The following OR14J1 variants were observed in gnomAD, a reference collection of about 807,000 sequenced individuals.
The protein encoded by OR14J1 is olfactory receptor 14J1.
For synonymous variants in OR14J1, 140 were observed against 146.7 expected, an observed-to-expected ratio of 0.95 and a Z score of 0.33; for missense variants, 378 against 393.4, an observed-to-expected ratio of 0.96 and a Z score of 0.33.
Position 29,310,595 on chromosome 6 carries a change from G to A in OR14J1, c.*2940G>A, listed in dbSNP as rs1283774854. ...TGCTTAGGATTATCTTGGCTATGTG[G>A]GCTCTTGTTTGGTTCCATATGAAAT... On this transcript the variant is annotated 3_prime_UTR_variant, in exon 2 of 2. Transcript: ENST00000641895. 6.6e-6 allele frequency: 1 copy of A among 152,136 alleles called. No individual in the cohort carries two copies. The allele number at this position is 152,136 out of a possible 1,614,324, so 9.4% of individuals were successfully genotyped here.
intron 1 of OR14J1, among the ~76,000 whole-genome samples, chr6:29,302,982 A>G (rs886522592): frequency 8.2e-6 from 1 of 122,642 alleles, no homozygotes; most frequent in Non-Finnish European, 1.7e-5. Flanking sequence ...ATTCTTTGAA[A>G]TAGGTCACAG....
Position 29,312,163 on chromosome 6 carries a change from T to C in OR14J1, c.*4508T>C, listed in dbSNP as rs1243885789. 2.0e-5 allele frequency: 3 copies of C among 152,186 alleles called. No individual in the cohort carries two copies. 9.4% of individuals were successfully genotyped at this position (152,186 alleles called of 1,614,324 possible). A position where few individuals can be genotyped will look rare whatever the true frequency, so the allele number is the denominator to read the frequency against. On this transcript the variant is annotated 3_prime_UTR_variant, in exon 2 of 2. Transcript: ENST00000641895. ...GTCTTCTGCTAGCTTTTGAATTTGT[T>C]TTCTCTTGCTTCTCTAGTTGTTTTA...
At chr6:29,304,094 G>A (rs965747358) in intron 1 of OR14J1, among the ~76,000 whole-genome samples, 14 of 152,126 alleles carry the variant, frequency 9.2e-5, no homozygotes, top group Non-Finnish European at 2.1e-4. Flanking sequence ...GTAGGAAACT[G>A]AGGGGCTTAA....
chr6:29,302,410 CT>C (rs1159996825), intron 1 of OR14J1, among the ~76,000 whole-genome samples: 1 of 151,844 alleles, frequency 6.6e-6, no homozygotes, highest in African/African-American at 2.4e-5. Flanking sequence ...AACTCCTGAC[CT>C]CAGGTGATCT....
chr6:29,307,469 G>T lies in OR14J1; in HGVS notation c.780G>T (p.Leu260=). ...CTGCAGGCTTTGAGTTTCTCAGACTGCCTTCTGATTCCTCATCGACTGTGG... is the reference window on the plus strand; with the variant it reads ...CTGCAGGCTTTGAGTTTCTCAGACTTCCTTCTGATTCCTCATCGACTGTGG... ...LSAAGFEFLR[L]PSDSSSTVDL... The change falls in exon 2 of 2, where the codon CTG becomes CTT. Residue 260 remains leucine (L), a synonymous_variant. Transcript: ENST00000641895. 2 of 1,612,960 alleles carry T rather than the reference G, an allele frequency of 1.2e-6. No individual in the cohort carries two copies. Among genetic ancestry groups the T allele is most frequent in the African/African-American group, 1.3e-5 (1 of 75,018 alleles).
intron 1 of OR14J1, among the ~76,000 whole-genome samples, chr6:29,304,948 T>C (rs1008572410): frequency 2.0e-5 from 3 of 152,216 alleles, no homozygotes; most frequent in African/African-American, 4.8e-5. Flanking sequence ...ATTCACATTT[T>C]ATTTTAAATT....
chr6:29,309,838 G>A lies in OR14J1; in HGVS notation c.*2183G>A, dbSNP rs1359504552. ...CAACTAAAAATACAAACACTTAGCT[G>A]GGCATGGTGCCATGAACCTGTAATC... On this transcript the variant is annotated 3_prime_UTR_variant, in exon 2 of 2. Transcript: ENST00000641895. The A allele has an allele frequency of 6.6e-6, 1 of 152,218 alleles. No homozygotes were observed. The highest frequency in any genetic ancestry group is 2.4e-5 in the African/African-American group (1 of 41,424). 9.4% of individuals were successfully genotyped at this position (152,218 alleles called of 1,614,324 possible). A position where few individuals can be genotyped will look rare whatever the true frequency, so the allele number is the denominator to read the frequency against.
At position 29,310,629 on chromosome 6, in the gene OR14J1, GT is replaced by G. The variant is rs1270007126; in HGVS notation, c.*2980del. The stretch of plus-strand genomic sequence containing the variant: ...TTGGTTCCATATGAAATTTAAAGTA[GT>G]TTTTTCCTATTCTGTGAAGAAAGTC... On this transcript the variant is annotated 3_prime_UTR_variant, in exon 2 of 2. Transcript: ENST00000641895. 6.6e-6 allele frequency: 1 copy of G among 152,082 alleles called. No individual in the cohort carries two copies. The highest frequency in any genetic ancestry group is 1.5e-5 in the Non-Finnish European group (1 of 68,006). The allele number at this position is 152,082 out of a possible 1,614,324, so 9.4% of individuals were successfully genotyped here.
At chr6:29,305,021 G>A (rs1774983304) in intron 1 of OR14J1, among the ~76,000 whole-genome samples, 1 of 152,152 alleles carries the variant, frequency 6.6e-6, no homozygotes, top group Non-Finnish European at 1.5e-5. Flanking sequence ...CAGCACTGGG[G>A]ATTAAGCTAT....
At position 29,307,723 on chromosome 6, in the gene OR14J1, C is replaced by T. The variant is rs1368126300; in HGVS notation, c.*68C>T. The T allele has an allele frequency of 4.5e-6, 4 of 898,408 alleles. No individual in the cohort carries two copies. The highest frequency in any genetic ancestry group is 3.3e-5 in the African/African-American group (2 of 59,978). 55.7% of individuals were successfully genotyped at this position (898,408 alleles called of 1,614,324 possible). On this transcript the variant is annotated 3_prime_UTR_variant, in exon 2 of 2. Transcript: ENST00000641895. ...GGAAGAGAGGTGAATCTTATTTCTACCCAGAATGCTCTTCCAAGCTGTCTA... is the reference window on the plus strand; with the variant it reads ...GGAAGAGAGGTGAATCTTATTTCTATCCAGAATGCTCTTCCAAGCTGTCTA...
chr6:29,305,591 G>C (rs1775022941), intron 1 of OR14J1, among the ~76,000 whole-genome samples: 1 of 151,990 alleles, frequency 6.6e-6, no homozygotes, highest in Admixed American at 6.6e-5. Flanking sequence ...AAAAAAAGAG[G>C]CAAAAATTAG....
At position 29,312,958 on chromosome 6, in the gene OR14J1, C is replaced by A. The variant is rs1425420165; in HGVS notation, c.*5303C>A. ...TGTTCAACAAGGTTGAACATCTTTT[C>A]ATGGACTTATTAGTTATTTGTGTGT... On this transcript the variant is annotated 3_prime_UTR_variant, in exon 2 of 2. Transcript: ENST00000641895. 3 of 152,150 alleles carry A rather than the reference C, an allele frequency of 2.0e-5. No homozygotes were observed. The highest frequency in any genetic ancestry group is 4.4e-5 in the Non-Finnish European group (3 of 68,028). 9.4% of individuals were successfully genotyped at this position (152,150 alleles called of 1,614,324 possible). A position where few individuals can be genotyped will look rare whatever the true frequency, so the allele number is the denominator to read the frequency against.
intron 1 of OR14J1, among the ~76,000 whole-genome samples, chr6:29,303,390 T>C (rs1774840469): frequency 6.6e-6 from 1 of 152,138 alleles, no homozygotes; most frequent in Non-Finnish European, 1.5e-5. Context: ...AAGAAAGAAC[T>C]GTATAATAGT....
Position 29,310,308 on chromosome 6 carries a change from T to C in OR14J1, c.*2653T>C, listed in dbSNP as rs949208736. 2 of 152,118 alleles carry C rather than the reference T, an allele frequency of 1.3e-5. No individual in the cohort carries two copies. The highest frequency in any genetic ancestry group is 4.8e-5 in the African/African-American group (2 of 41,408). The allele number at this position is 152,118 out of a possible 1,614,324, so 9.4% of individuals were successfully genotyped here. ...TTTTGTATAAGGTATAAGGAAGGAG[T>C]CCAGTTTCAGTTTTCTGCATATGGC... On this transcript the variant is annotated 3_prime_UTR_variant, in exon 2 of 2. Transcript: ENST00000641895.
rs9378186 is a variant in OR14J1 at position 29,312,356 on chromosome 6, G to A, written c.*4701G>A. 0.083 allele frequency: 12,810 copies of A among 154,340 alleles called. 658 individuals are homozygous for A. The highest frequency in any genetic ancestry group is 0.11 in the Admixed American group (1,707 of 15,340). 9.6% of individuals were successfully genotyped at this position (154,340 alleles called of 1,614,324 possible). On this transcript the variant is annotated 3_prime_UTR_variant, in exon 2 of 2. Coordinates refer to ENST00000641895, the MANE Select transcript of OR14J1 (RefSeq NM_030946.2). ...GCTTGAAACCCAGGACCCCAGTAGC[G>A]TAGGCACCCAAGGGAATCTACTGTT...
At chr6:29,302,494 A>G (rs987321349) in intron 1 of OR14J1, among the ~76,000 whole-genome samples, 1 of 152,066 alleles carries the variant, frequency 6.6e-6, no homozygotes, top group Non-Finnish European at 1.5e-5. Flanking sequence ...GGGCAATTCT[A>G]ATGGGAGGAC....
At position 29,312,742 on chromosome 6, in the gene OR14J1, G is replaced by T. The variant is rs1356147584; in HGVS notation, c.*5087G>T. On this transcript the variant is annotated 3_prime_UTR_variant, in exon 2 of 2. Coordinates refer to ENST00000641895, the MANE Select transcript of OR14J1 (RefSeq NM_030946.2). ...CATATTATATTCCCTAGATAATCAA[G>T]AATTGTTATAAAGGGCTGGGCGTGG... is the stretch of plus-strand genomic sequence containing the variant. 1 of 152,162 alleles carries T rather than the reference G, an allele frequency of 6.6e-6. No homozygotes were observed. Among genetic ancestry groups the T allele is most frequent in the Non-Finnish European group, 1.5e-5 (1 of 68,050 alleles). 9.4% of individuals were successfully genotyped at this position (152,162 alleles called of 1,614,324 possible). A position where few individuals can be genotyped will look rare whatever the true frequency, so the allele number is the denominator to read the frequency against.
intron 1 of OR14J1, among the ~76,000 whole-genome samples, chr6:29,306,350 G>A (rs1314859378): frequency 6.6e-6 from 1 of 152,134 alleles, no homozygotes; most frequent in East Asian, 1.9e-4. Context: ...TATAGAAGAT[G>A]TAATGAGATT....
chr6:29,307,765 C>G lies in OR14J1; in HGVS notation c.*110C>G. On this transcript the variant is annotated 3_prime_UTR_variant, in exon 2 of 2. Transcript: ENST00000641895. ...AGCTGTCTATTGTATATATTCCTCT[C>G]AAATATAATTCTTTAAAATTTAAGA... is the stretch of plus-strand genomic sequence containing the variant. The G allele has an allele frequency of 1.6e-6, 1 of 616,894 alleles. No homozygotes were observed. The highest frequency in any genetic ancestry group is 2.7e-5 in the East Asian group (1 of 36,544). The allele number at this position is 616,894 out of a possible 1,614,324, so 38.2% of individuals were successfully genotyped here. A position where few individuals can be genotyped will look rare whatever the true frequency, so the allele number is the denominator to read the frequency against.
Sources: gnomAD v4.1 joint callset for allele counts (sites outside exome capture counted in the v4.1 genomes callset) on GRCh38, gnomAD v4.1.1 for gene constraint, MANE v1.5 for transcripts, NCBI Gene and HGNC (gene_info 2026-07-23, HGNC 2026-07-21) for gene names.